Variants in ERAL1 observed in about 807,000 individuals in gnomAD.
The protein encoded by ERAL1 is Era like 12S mitochondrial rRNA chaperone 1.
Under a neutral mutation model 53.6 loss-of-function variants are expected in ERAL1, and 36 were observed. The observed-to-expected ratio is 0.67, with a 90% CI of 0.51 to 0.89. The LOEUF (loss-of-function observed/expected upper bound fraction) is 0.89, where lower values mean the gene tolerates loss of function less well. Among genes scored for constraint, ERAL1 ranks in the 40% least tolerant of loss-of-function variants. The pLI is 0.00. For synonymous variants in ERAL1, 215 were observed against 211.8 expected (o/e 1.02, Z -0.13); for missense variants, 512 against 537.5 (o/e 0.95, Z 0.47).
Position 28,857,830 on chromosome 17 carries a change from TTGAC to T in ERAL1, c.490-105_490-102del, listed in dbSNP as rs2039261110. ...AAACAAACCTAAAGTCAATAATAGT[TTGAC>T]TGAGAAGGGAGGGCAGGCTCCTGAC... On this transcript the variant is annotated intron_variant, in intron 3 of 9. Transcript: ENST00000254928. 5 of 1,232,948 alleles carry T rather than the reference TTGAC, an allele frequency of 4.1e-6. No individual in the cohort carries two copies. In the East Asian group the frequency reaches 7.0e-5, roughly 17 times the overall value. The allele number at this position is 1,232,948 out of a possible 1,614,324, so 76.4% of individuals were successfully genotyped here.
intron 9 of ERAL1, among the ~76,000 whole-genome samples, chr17:28,860,202 C>T (rs2039290809): frequency 6.6e-6 from 1 of 152,152 alleles, no homozygotes; most frequent in South Asian, 2.1e-4. Flanking sequence ...GTCTCGAACT[C>T]CTGACCTCAG....
At chr17:28,857,111 T>C (rs978942491) in intron 3 of ERAL1, among the ~76,000 whole-genome samples, 12 of 146,338 alleles carry the variant, frequency 8.2e-5, no homozygotes, top group Non-Finnish European at 1.4e-4. Flanking sequence ...CTCGCTCTCT[T>C]TTTTTTTTTT....
chr17:28,860,480 A>T lies in ERAL1; in HGVS notation c.1241A>T (p.Glu414Val). The T allele has an allele frequency of 6.2e-7, 1 of 1,610,490 alleles. No homozygotes were observed. Residue 414 changes from glutamate to valine, a missense_variant, in exon 10 of 10, where the codon GAG becomes GTG. Coordinates refer to ENST00000254928, the MANE Select transcript of ERAL1 (RefSeq NM_005702.4). ...CACGTGATCTCCCAGATAGCACAGGAGGCAGGCCATGACCTCATGGACATC... is the reference window on the plus strand; with the variant it reads ...CACGTGATCTCCCAGATAGCACAGGTGGCAGGCCATGACCTCATGGACATC... ...KGHVISQIAQEAGHDLMDIFL... is the reference protein window; with the variant it reads ...KGHVISQIAQVAGHDLMDIFL...
intron 9 of ERAL1, among the ~76,000 whole-genome samples, chr17:28,860,178 T>C (rs1378230878): frequency 6.6e-6 from 1 of 152,130 alleles, no homozygotes; most frequent in Non-Finnish European, 1.5e-5. Flanking sequence ...CATTTCACCA[T>C]GTTGGCCAGG....
chr17:28,856,573 G>T lies in ERAL1; in HGVS notation c.480G>T (p.Glu160Asp). 6.2e-7 allele frequency: 1 copy of T among 1,614,048 alleles called. No homozygotes were observed. The highest frequency in any genetic ancestry group is 8.5e-7 in the Non-Finnish European group (1 of 1,179,964). ...CQALGVITEK[E>D]TQVILLDTPG... ...CTCTGGGGGTCATCACAGAGAAGGA[G>T]ACCCAGGTGGTGGGTACCTACAAAG... is the stretch of plus-strand genomic sequence containing the variant. Residue 160 changes from glutamate (E) to aspartate (D), a missense_variant, in exon 3 of 10, where the codon GAG becomes GAT. Coordinates refer to ENST00000254928, the MANE Select transcript of ERAL1 (RefSeq NM_005702.4).
At position 28,858,491 on chromosome 17, in the gene ERAL1, G is replaced by A. The variant is rs776961436; in HGVS notation, c.711+5G>A. ...AGTGTCCTGGTCATGAACAAGGTGA[G>A]CACTACCCACCTGAGGAAGGGGTCT... On this transcript the variant is annotated splice_donor_5th_base_variant and intron_variant, in intron 6 of 9. Coordinates refer to ENST00000254928, the MANE Select transcript of ERAL1 (RefSeq NM_005702.4). 9 of 1,614,002 alleles carry A rather than the reference G, an allele frequency of 5.6e-6. No homozygotes were observed. The Admixed American group carries it at 8.3e-5, about 15-fold the overall frequency.
At chr17:28,859,987 T>A (rs1276982537) in intron 9 of ERAL1, among the ~76,000 whole-genome samples, 1 of 151,728 alleles carries the variant, frequency 6.6e-6, no homozygotes. Context: ...TTTTTTATTT[T>A]TTTTTTGAGC....
At chr17:28,858,895 G>A in intron 7 of ERAL1, 69 bp from the exon 8 acceptor site, 1 of 1,611,706 alleles carries the variant, frequency 6.2e-7, no homozygotes, top group South Asian at 1.1e-5. Context: ...ATTTCCTCCT[G>A]GAAGCAAAAG....
In ERAL1 at chr17:28,855,203, T is replaced by C; in HGVS notation, c.169T>C (p.Leu57=). ...VAGSAFSGPR[L]ASASRSNGQG... is the part of the protein sequence containing the mutation. ...GGGGTCCGCTTTCTCTGGTCCCCGC[T>C]TGGCCTCGGCTTCTCGCAGTAATGG... Residue 57 remains leucine (L), a synonymous_variant, in exon 1 of 10, where the codon TTG becomes CTG. Coordinates refer to ENST00000254928, the MANE Select transcript of ERAL1 (RefSeq NM_005702.4). 1 of 1,614,258 alleles carries C rather than the reference T, an allele frequency of 6.2e-7. No individual in the cohort carries two copies. Among genetic ancestry groups the C allele is most frequent in the Non-Finnish European group, 8.5e-7 (1 of 1,180,052 alleles).
chr17:28,858,811 T>C lies in ERAL1; in HGVS notation c.947T>C (p.Val316Ala), dbSNP rs577237073. The stretch of plus-strand genomic sequence containing the variant: ...TTGTCAGCCCTAAGCCAGGAGGACG[T>C]GAAAACACTAAAGGTCAGTTAGTCT... Reference protein sequence around the residue: ...FMLSALSQEDVKTLKQYLLTQ... With the variant: ...FMLSALSQEDAKTLKQYLLTQ... Residue 316 changes from valine (V) to alanine (A), a missense_variant, in exon 7 of 10, where the codon GTG (valine) becomes GCG (alanine). By Grantham distance (64) the Val-to-Ala change is moderately conservative. Coordinates refer to ENST00000254928, the MANE Select transcript of ERAL1 (RefSeq NM_005702.4). The C allele has an allele frequency of 4.2e-4, 681 of 1,614,146 alleles. 9 individuals carry two copies. The South Asian group carries it at 7.3e-3, about 17-fold the overall frequency.
chr17:28,860,373 C>G, intron 9 of ERAL1, 58 bp from the exon 10 acceptor site: 4 of 1,595,926 alleles, frequency 2.5e-6, no homozygotes, highest in South Asian at 1.1e-5. Context: ...CCCCAAGTAG[C>G]TGGGACTACA....
intron 3 of ERAL1, 60 bp downstream of exon 3, chr17:28,856,642 C>A (rs771740313): frequency 1.4e-6 from 2 of 1,448,066 alleles, no homozygotes; most frequent in South Asian, 1.1e-5. Context: ...AGAGGGTCTC[C>A]CTTACCATCA....
chr17:28,858,453 C>A lies in ERAL1; in HGVS notation c.678C>A (p.Tyr226Ter). 6.2e-7 allele frequency: 1 copy of A among 1,614,154 alleles called. No individual in the cohort carries two copies. The highest frequency in any genetic ancestry group is 8.5e-7 in the Non-Finnish European group (1 of 1,180,020). ...AGTTGCTCAGGTGCTTGACCAAGTA[C>A]TCCCAGATCCCTAGTGTCCTGGTCA... ...SPQLLRCLTK[Y>*]SQIPSVLVMN... Residue 226 changes from tyrosine to a stop codon, truncating the protein, a stop_gained, in exon 6 of 10, where the codon TAC becomes TAA. Coordinates refer to ENST00000254928, the MANE Select transcript of ERAL1 (RefSeq NM_005702.4). LOFTEE classifies it high-confidence loss of function.
rs778225761 is a variant in ERAL1 at position 28,855,106 on chromosome 17, T to C, written c.72T>C (p.His24=). Reference sequence around the variant, plus strand: ...TAAGAGTCTGGCAGGTGGGCCCTCATGTCGCGAGGGAGCGGGTGATCCCTT... The same window carrying C: ...TAAGAGTCTGGCAGGTGGGCCCTCACGTCGCGAGGGAGCGGGTGATCCCTT... ...SVLRVWQVGP[H]VARERVIPFS... is the part of the protein sequence containing the mutation. Residue 24 remains histidine, a synonymous_variant, in exon 1 of 10, where the codon CAT becomes CAC. Transcript: ENST00000254928. 6.2e-6 allele frequency: 10 copies of C among 1,614,112 alleles called. No homozygotes were observed. Among genetic ancestry groups the C allele is most frequent in the Non-Finnish European group, 7.6e-6 (9 of 1,180,036 alleles).
In ERAL1 at chr17:28,860,574, C is replaced by G; in HGVS notation, c.*21C>G. Reference sequence around the variant, plus strand: ...AGTGACCACCCTCTACTGACCCTCCCAGGGCATTCCAGCTCAAGCTGCTGG... The same window carrying G: ...AGTGACCACCCTCTACTGACCCTCCGAGGGCATTCCAGCTCAAGCTGCTGG... On this transcript the variant is annotated 3_prime_UTR_variant, in exon 10 of 10. Transcript: ENST00000254928. The G allele has an allele frequency of 6.4e-7, 1 of 1,571,796 alleles. No homozygotes were observed. Among genetic ancestry groups the G allele is most frequent in the Non-Finnish European group, 8.6e-7 (1 of 1,163,234 alleles).
At chr17:28,857,876 C>T in intron 3 of ERAL1, 63 bp from the exon 4 acceptor site, 2 of 1,577,984 alleles carry the variant, frequency 1.3e-6, no homozygotes, top group Non-Finnish European at 1.7e-6. Flanking sequence ...GGTAGCCTCT[C>T]TCTGACTTCC....
Position 28,858,757 on chromosome 17 carries a change from G to A in ERAL1, c.893G>A (p.Gly298Asp). The change falls in exon 7 of 10, where the codon GGC becomes GAC. Residue 298 changes from glycine to aspartate, a missense_variant. Physicochemically the swap from Gly to Asp is moderately conservative, Grantham distance 94 (BLOSUM62 -1). Coordinates refer to ENST00000254928, the MANE Select transcript of ERAL1 (RefSeq NM_005702.4). ...TQSVGNPQRI[G>D]WPHFKEIFML... Reference sequence around the variant, plus strand: ...TCTGTGGGAAATCCTCAGAGGATTGGCTGGCCCCACTTCAAGGAGATCTTC... The same window carrying A: ...TCTGTGGGAAATCCTCAGAGGATTGACTGGCCCCACTTCAAGGAGATCTTC... 6.2e-7 allele frequency: 1 copy of A among 1,614,212 alleles called. No homozygotes were observed. The highest frequency in any genetic ancestry group is 1.1e-5 in the South Asian group (1 of 91,080).
chr17:28,858,587 G>A lies in ERAL1; in HGVS notation c.723G>A (p.Leu241=), dbSNP rs114192384. The A allele has an allele frequency of 7.2e-4, 1,165 of 1,614,166 alleles. 6 individuals carry two copies. In the African/African-American group the frequency reaches 0.013, roughly 19 times the overall value. ...TCCCCCATGTCCAGGTAGATTGTTTGAAGCAGAAGTCAGTTCTCCTGGAGC... is the reference window on the plus strand; with the variant it reads ...TCCCCCATGTCCAGGTAGATTGTTTAAAGCAGAAGTCAGTTCTCCTGGAGC... ...SVLVMNKVDC[L]KQKSVLLELT... Residue 241 remains leucine (L), a synonymous_variant, in exon 7 of 10, where the codon TTG becomes TTA. Coordinates refer to ENST00000254928, the MANE Select transcript of ERAL1 (RefSeq NM_005702.4).
At position 28,855,152 on chromosome 17, in the gene ERAL1, C is replaced by A. The variant is rs759629384; in HGVS notation, c.118C>A (p.Gln40Lys). The A allele has an allele frequency of 6.2e-7, 1 of 1,614,126 alleles. No homozygotes were observed. Among genetic ancestry groups the A allele is most frequent in the African/African-American group, 1.3e-5 (1 of 74,936 alleles). Residue 40 changes from glutamine (Q) to lysine (K), a missense_variant, in exon 1 of 10, where the codon CAA becomes AAA. By Grantham distance (53) the Gln-to-Lys change is moderately conservative (BLOSUM62 1). Coordinates refer to ENST00000254928, the MANE Select transcript of ERAL1 (RefSeq NM_005702.4). ...CCCTTTTTCCTCACTCTTAGGCTTC[C>A]AACGGAGGTGCGTGTCCTGCGTCGC... ...VIPFSSLLGF[Q>K]RRCVSCVAGS...
Sources: gnomAD v4.1 joint callset for allele counts (sites outside exome capture counted in the v4.1 genomes callset) on GRCh38, gnomAD v4.1.1 for gene constraint, MANE v1.5 for transcripts, NCBI Gene and HGNC (gene_info 2026-07-23, HGNC 2026-07-21) for gene names.